DRC11: variants seen among roughly 807,000 people sequenced by gnomAD.
DRC11 encodes dynein regulatory complex subunit 11.
the DRC11 span, among the ~76,000 whole-genome samples, chr2:236,415,559 A>C: frequency 6.6e-6 from 1 of 152,180 alleles, no homozygotes. This position sits in a 1 kb window ranked among gnomAD's most constrained non-coding sequence, Gnocchi z 5.7. Flanking sequence ...ATTAGAGATG[A>C]CCATTTCTTC....
the DRC11 span, among the ~76,000 whole-genome samples, chr2:236,378,377 A>G: frequency 6.6e-6 from 1 of 152,178 alleles, no homozygotes. Context: ...AACAAATGAT[A>G]TTAAGAAGGT....
chr2:236,491,584 CA>C, the DRC11 span, among the ~76,000 whole-genome samples: 1 of 151,930 alleles, frequency 6.6e-6, no homozygotes, highest in Non-Finnish European at 1.5e-5. Context: ...CTCCATTTTC[CA>C]ACACAAAATC....
At chr2:236,408,583 C>A in the DRC11 span, 1 of 726,374 alleles carries the variant, frequency 1.4e-6, no homozygotes, top group South Asian at 1.4e-5. The surrounding 1 kb of genome is among the most constrained non-coding windows in gnomAD (Gnocchi z 5.5). Context: ...GTGGGTGTGG[C>A]AGTGACATGG....
chr2:236,317,638 T>C, the DRC11 span, among the ~76,000 whole-genome samples: 59 of 152,316 alleles, frequency 3.9e-4, no homozygotes, highest in African/African-American at 1.3e-3. This position sits in a 1 kb window ranked among gnomAD's most constrained non-coding sequence, Gnocchi z 5.4. Context: ...TTGAGCCCTT[T>C]TCTGTGCTTG....
chr2:236,502,548 CAA>C, the DRC11 span, among the ~76,000 whole-genome samples: 12 of 15,064 alleles, frequency 8.0e-4, no homozygotes, highest in South Asian at 4.3e-3. Context: ...TGCACTCCAG[CAA>C]AAAAAAAAAA....
chr2:236,399,588 CCA>C, the DRC11 span: 424 of 933,414 alleles, frequency 4.5e-4, 1 homozygote, highest in African/African-American at 6.1e-3. The surrounding 1 kb of genome is among the most constrained non-coding windows in gnomAD (Gnocchi z 7.0). Flanking sequence ...CCGCGCAGGC[CCA>C]GTCCTGGTCC....
chr2:236,494,315 CA>C, the DRC11 span, among the ~76,000 whole-genome samples: 1 of 152,318 alleles, frequency 6.6e-6, no homozygotes, highest in Admixed American at 6.5e-5. This position sits in a 1 kb window ranked among gnomAD's most constrained non-coding sequence, Gnocchi z 4.2. Context: ...TAAATAGTCA[CA>C]TTTTTTTCTA....
At chr2:236,428,149 G>C in the DRC11 span, among the ~76,000 whole-genome samples, 1 of 152,096 alleles carries the variant, frequency 6.6e-6, no homozygotes, top group Non-Finnish European at 1.5e-5. Flanking sequence ...TTTTGTGGCT[G>C]AATATATGAT....
chr2:236,475,589 T>A, the DRC11 span, among the ~76,000 whole-genome samples: 1 of 152,196 alleles, frequency 6.6e-6, no homozygotes, highest in African/African-American at 2.4e-5. This position sits in a 1 kb window ranked among gnomAD's most constrained non-coding sequence, Gnocchi z 4.8. Flanking sequence ...GCCTAATAGT[T>A]CTATTTTTAG....
the DRC11 span, among the ~76,000 whole-genome samples, chr2:236,491,839 G>T: frequency 6.6e-6 from 1 of 152,274 alleles, no homozygotes; most frequent in Non-Finnish European, 1.5e-5. Context: ...GTCATCTTGA[G>T]TTAAATGGGT....
chr2:236,393,300 G>C, the DRC11 span, among the ~76,000 whole-genome samples: 5 of 152,190 alleles, frequency 3.3e-5, no homozygotes, highest in Non-Finnish European at 7.3e-5. The surrounding 1 kb of genome is among the most constrained non-coding windows in gnomAD (Gnocchi z 4.7). Flanking sequence ...ACAGACAGAG[G>C]CTCCCAACCT....
chr2:236,424,952 G>A, the DRC11 span, among the ~76,000 whole-genome samples: 2 of 151,922 alleles, frequency 1.3e-5, no homozygotes, highest in African/African-American at 2.4e-5. Context: ...TTAGCATAAC[G>A]TCCTCTGGGT....
At chr2:236,468,345 G>A in the DRC11 span, among the ~76,000 whole-genome samples, 1 of 152,130 alleles carries the variant, frequency 6.6e-6, no homozygotes, top group East Asian at 1.9e-4. Flanking sequence ...GCCTGTCTCT[G>A]CCTCTTAAAG....
the DRC11 span, among the ~76,000 whole-genome samples, chr2:236,357,405 A>G: frequency 8.1e-6 from 1 of 122,706 alleles, no homozygotes; most frequent in Non-Finnish European, 1.6e-5. Flanking sequence ...TAGTATATGC[A>G]TATTTATATT....
the DRC11 span, among the ~76,000 whole-genome samples, chr2:236,440,394 G>T: frequency 6.6e-6 from 1 of 152,108 alleles, no homozygotes; most frequent in African/African-American, 2.4e-5. Flanking sequence ...TGCCTCTAAT[G>T]CCTCATCATT....
At chr2:236,493,754 A>G in the DRC11 span, 4 of 1,570,360 alleles carry the variant, frequency 2.5e-6, no homozygotes, top group African/African-American at 5.4e-5. Context: ...TGTTTGTTAA[A>G]ATGATATACA....
chr2:236,321,665 C>T, the DRC11 span, among the ~76,000 whole-genome samples: 15 of 152,286 alleles, frequency 9.8e-5, no homozygotes, highest in African/African-American at 3.4e-4. Context: ...GGCTGGCTGA[C>T]ACTACCAAGC....
At chr2:236,403,045 C>T in the DRC11 span, among the ~76,000 whole-genome samples, 3 of 151,626 alleles carry the variant, frequency 2.0e-5, no homozygotes, top group Non-Finnish European at 4.4e-5. Context: ...GTTTTGGATA[C>T]TCAGATTGTT....
chr2:236,423,701 G>A, the DRC11 span, among the ~76,000 whole-genome samples: 1 of 152,134 alleles, frequency 6.6e-6, no homozygotes, highest in Non-Finnish European at 1.5e-5. Flanking sequence ...CCATTACTGG[G>A]TATATACCCA....
Sources: gnomAD v4.1 joint callset for allele counts (sites outside exome capture counted in the v4.1 genomes callset) on GRCh38, gnomAD v4.1.1 for gene constraint, Gnocchi (gnomAD v3.1) non-coding constraint, MANE v1.5 for transcripts, NCBI Gene and HGNC (gene_info 2026-07-23, HGNC 2026-07-21) for gene names.